The following ZNF521 variants were observed in gnomAD, a reference collection of about 807,000 sequenced individuals.
ZNF521 encodes the protein zinc finger protein 521, also known as LYST-interacting protein 3.
In ZNF521, 14 loss-of-function variants were observed where a neutral mutation model predicts 105.5. That is an observed-to-expected ratio of 0.13 (90% CI 0.09 to 0.21). The LOEUF is 0.21. ZNF521 is among the 10% of genes least tolerant of loss of function. ZNF521 has a pLI of 1.00. For synonymous variants in ZNF521, 635 were observed against 606.0 expected (o/e 1.05, Z -0.70); for missense variants, 1,233 against 1,629.7 (o/e 0.76, Z 4.19).
At chr18:25,322,787 G>C (rs1913010663) in intron 2 of ZNF521, among the ~76,000 whole-genome samples, 1 of 152,092 alleles carries the variant, frequency 6.6e-6, no homozygotes. Context: ...AAACTCAAGT[G>C]TAAATGTATG....
intron 3 of ZNF521, among the ~76,000 whole-genome samples, chr18:25,270,138 G>A (rs1289651658): frequency 1.3e-5 from 2 of 152,176 alleles, no homozygotes; most frequent in Non-Finnish European, 2.9e-5. Context: ...ATTCCCATCA[G>A]AGAATACTAT....
chr18:25,316,291 G>T (rs1283937126), intron 3 of ZNF521, among the ~76,000 whole-genome samples: 1 of 149,432 alleles, frequency 6.7e-6, no homozygotes, highest in Non-Finnish European at 1.5e-5. Context: ...GATGCAAATG[G>T]GGCTGAATGA....
At chr18:25,229,410 T>G (rs1906386946) in intron 3 of ZNF521, among the ~76,000 whole-genome samples, 1 of 152,198 alleles carries the variant, frequency 6.6e-6, no homozygotes, top group Admixed American at 6.5e-5. Context: ...GCATCCTCAT[T>G]TATAGGACTC....
intron 4 of ZNF521, among the ~76,000 whole-genome samples, chr18:25,197,952 A>G (rs1005284642): frequency 3.3e-5 from 5 of 151,832 alleles, no homozygotes; most frequent in African/African-American, 1.2e-4. Context: ...CCCTTAGGAC[A>G]ATTACTTACA....
chr18:25,239,636 C>T (rs1907169201), intron 3 of ZNF521, among the ~76,000 whole-genome samples: 1 of 152,186 alleles, frequency 6.6e-6, no homozygotes, highest in Non-Finnish European at 1.5e-5. Flanking sequence ...GCTAGAATTG[C>T]TGATTAAATG....
rs530750340 is a variant in ZNF521 at position 25,203,685 on chromosome 18, G to A, written c.3574-8441C>T. 1.9e-4 allele frequency among the ~76,000 whole-genome samples: 29 copies of A among 152,094 alleles called. 1 individual carries two copies. Among genetic ancestry groups the A allele is most frequent in the African/African-American group, 6.3e-4 (26 of 41,486 alleles). On this transcript the variant is annotated intron_variant, in intron 4 of 7. Coordinates refer to ENST00000361524, the MANE Select transcript of ZNF521 (RefSeq NM_015461.3). The stretch of plus-strand genomic sequence containing the variant: ...GAAAGACAATTCAGAAGAGAGCCAG[G>A]GCTAAATTAGAAGATTGCTTCTGGC...
At chr18:25,128,309 A>G (rs1305180616) in intron 5 of ZNF521, among the ~76,000 whole-genome samples, 1 of 151,936 alleles carries the variant, frequency 6.6e-6, no homozygotes, top group African/African-American at 2.4e-5. Flanking sequence ...AATAGGGGGT[A>G]ACTGCTTCAA....
At chr18:25,346,745 A>C (rs1914479266) in intron 2 of ZNF521, among the ~76,000 whole-genome samples, 1 of 152,252 alleles carries the variant, frequency 6.6e-6, no homozygotes, top group South Asian at 2.1e-4. Context: ...GTGACGGCCA[A>C]GTTAAACAAG....
chr18:25,251,010 T>G (rs1163707639), intron 3 of ZNF521, among the ~76,000 whole-genome samples: 1 of 152,188 alleles, frequency 6.6e-6, no homozygotes, highest in Non-Finnish European at 1.5e-5. Flanking sequence ...CTCAAATAAC[T>G]GAGGTTTGTC....
Position 25,116,412 on chromosome 18 carries a change from TAAAC to T in ZNF521, c.3659-24335_3659-24332del, listed in dbSNP as rs1204581190. On this transcript the variant is annotated intron_variant, in intron 5 of 7. Transcript: ENST00000361524. Reference sequence around the variant, plus strand: ...TTCTGGGAATCAGTTTATTTAAAAATAAACAAACTACAAAAACTAACAAAAGGTA... The same window carrying T: ...TTCTGGGAATCAGTTTATTTAAAAATAAACTACAAAAACTAACAAAAGGTA... 5.3e-5 allele frequency among the ~76,000 whole-genome samples: 8 copies of T among 152,178 alleles called. No homozygotes were observed. In the East Asian group the frequency reaches 1.5e-3, roughly 29 times the overall value.
At chr18:25,302,977 C>G (rs1339979983) in intron 3 of ZNF521, 1 of 152,166 alleles carries the variant, frequency 6.6e-6, no homozygotes, top group Non-Finnish European at 1.5e-5. Context: ...GAGACACTAT[C>G]AGTTGCACAC....
intron 5 of ZNF521, among the ~76,000 whole-genome samples, chr18:25,152,152 A>G (rs1344921470): frequency 6.6e-6 from 1 of 152,166 alleles, no homozygotes; most frequent in Non-Finnish European, 1.5e-5. Flanking sequence ...TTGTTTAGAC[A>G]TTTATTTAGT....
chr18:25,309,097 A>AT (rs571256039), intron 3 of ZNF521, among the ~76,000 whole-genome samples: 191 of 152,318 alleles, frequency 1.3e-3, no homozygotes, highest in Admixed American at 3.6e-3. Flanking sequence ...GGACTAATGA[A>AT]TTGCAAAGGG....
At chr18:25,294,347 TG>T (rs1479565112) in intron 3 of ZNF521, among the ~76,000 whole-genome samples, 3 of 152,302 alleles carry the variant, frequency 2.0e-5, no homozygotes, top group Middle Eastern at 3.4e-3. Context: ...GCATAAAGCA[TG>T]GGAAAATAAT....
In ZNF521 at chr18:25,084,520, C is replaced by T. The variant is rs1041372704; in HGVS notation, c.3906+4945G>A. On this transcript the variant is annotated intron_variant, in intron 7 of 7. Transcript: ENST00000361524. ...AAACCTTAGTGATTTCTGAAAGTCT[C>T]GGTATATCCCTCAAATGTCAAATTA... 8.5e-5 allele frequency among the ~76,000 whole-genome samples: 12 copies of T among 140,520 alleles called. 1 individual carries two copies. Among genetic ancestry groups the T allele is most frequent in the Admixed American group, 5.5e-4 (8 of 14,672 alleles). The allele number at this position is 140,520 out of a possible 152,430, so 92.2% of individuals were successfully genotyped here.
At chr18:25,146,857 C>T (rs1249431506) in intron 5 of ZNF521, among the ~76,000 whole-genome samples, 1 of 152,048 alleles carries the variant, frequency 6.6e-6, no homozygotes. Context: ...TTGTGATAAA[C>T]CCTTTATACC....
At chr18:25,273,330 T>C (rs1433747439) in intron 3 of ZNF521, 1 of 145,990 alleles carries the variant, frequency 6.8e-6, no homozygotes, top group East Asian at 2.2e-4. Flanking sequence ...AGTCACAATA[T>C]AAGCAGGCTA....
At chr18:25,147,461 T>C (rs1239207477) in intron 5 of ZNF521, among the ~76,000 whole-genome samples, 2 of 152,200 alleles carry the variant, frequency 1.3e-5, no homozygotes, top group Non-Finnish European at 2.9e-5. Flanking sequence ...TCAGCTATTT[T>C]CTTTTTCAAC....
chr18:25,073,462 G>C (rs2033275472), intron 7 of ZNF521, among the ~76,000 whole-genome samples: 1 of 152,198 alleles, frequency 6.6e-6, no homozygotes, highest in Admixed American at 6.5e-5. Context: ...TTCCGTGTTT[G>C]AAATCCATTG....
Sources: gnomAD v4.1 joint callset for allele counts (sites outside exome capture counted in the v4.1 genomes callset) on GRCh38, gnomAD v4.1.1 for gene constraint, MANE v1.5 for transcripts, NCBI Gene and HGNC (gene_info 2026-07-23, HGNC 2026-07-21) for gene names.